VPS37B: variants seen among roughly 807,000 people sequenced by gnomAD.
VPS37B encodes the protein VPS37B subunit of ESCRT-I, also known as vacuolar protein sorting-associated protein 37B.
A neutral mutation model predicts 21.2 loss-of-function variants in VPS37B; 11 were observed. The observed-to-expected ratio is 0.52, with a 90% CI of 0.33 to 0.86. The LOEUF is 0.86. Among genes scored for constraint, VPS37B ranks in the 40% least tolerant of loss-of-function variants. The probability of loss-of-function intolerance (pLI) is 0.03; values close to 1 mark genes in which losing one functional copy is unlikely to be tolerated. For synonymous variants in VPS37B, 175 were observed against 159.6 expected, an observed-to-expected ratio of 1.10 and a Z score of -0.73; for missense variants, 389 against 374.8, an observed-to-expected ratio of 1.04 and a Z score of -0.31.
At chr12:122,870,763 A>T in intron 2 of VPS37B, 127 bp downstream of exon 2, 1 of 904,668 alleles carries the variant, frequency 1.1e-6, no homozygotes, top group African/African-American at 1.7e-5. Flanking sequence ...CTATTTGTTC[A>T]TTGCAGTAGA....
At chr12:122,873,992 G>C (rs1388541220) in intron 1 of VPS37B, 2 of 152,246 alleles carry the variant, frequency 1.3e-5, no homozygotes, top group African/African-American at 4.8e-5. Flanking sequence ...AGCGACCTAA[G>C]TTTGTTGAGA....
chr12:122,877,945 G>A, intron 1 of VPS37B: 1 of 152,124 alleles, frequency 6.6e-6, no homozygotes, highest in Middle Eastern at 3.2e-3. Context: ...AATTTTTTCA[G>A]GCATCATCAC....
intron 1 of VPS37B, among the ~76,000 whole-genome samples, chr12:122,894,831 G>A (rs1316012609): frequency 1.3e-5 from 2 of 152,136 alleles, no homozygotes; most frequent in Non-Finnish European, 2.9e-5. Flanking sequence ...GCCTTCCAGG[G>A]GCTGGGCAAG....
intron 1 of VPS37B, chr12:122,871,559 G>GA (rs2034034778): frequency 1.0e-6 from 1 of 985,632 alleles, no homozygotes; most frequent in Admixed American, 6.1e-5. Flanking sequence ...CCCTGGGAAG[G>GA]AACTGTGTTT....
chr12:122,878,965 T>C (rs1197331496), intron 1 of VPS37B: 2 of 152,108 alleles, frequency 1.3e-5, no homozygotes, highest in African/African-American at 4.8e-5. Flanking sequence ...AAGAGTCCTT[T>C]TAAGAGACAC....
chr12:122,872,372 A>G (rs1188453102), intron 1 of VPS37B: 1 of 985,498 alleles, frequency 1.0e-6, no homozygotes, highest in Non-Finnish European at 1.2e-6. Flanking sequence ...CCAGGGCCCT[A>G]AAGATCAGGC....
chr12:122,879,325 T>TCA (rs1236644650), intron 1 of VPS37B: 2 of 152,354 alleles, frequency 1.3e-5, no homozygotes, highest in Non-Finnish European at 2.9e-5. Context: ...ACCCGGACAC[T>TCA]CACCCTCAGG....
chr12:122,890,668 A>G (rs1044690420), intron 1 of VPS37B, among the ~76,000 whole-genome samples: 1 of 152,114 alleles, frequency 6.6e-6, no homozygotes, highest in Non-Finnish European at 1.5e-5. Flanking sequence ...ACTGTGGTAT[A>G]ATATACATAA....
At chr12:122,875,153 A>T (rs931273940) in intron 1 of VPS37B, 2 of 149,038 alleles carry the variant, frequency 1.3e-5, no homozygotes, top group African/African-American at 4.9e-5. Flanking sequence ...TCCGCCTGCC[A>T]GGTTCAAGCA....
chr12:122,890,767 T>G (rs1031780066), intron 1 of VPS37B, among the ~76,000 whole-genome samples: 10 of 152,250 alleles, frequency 6.6e-5, no homozygotes, highest in African/African-American at 2.4e-4. Flanking sequence ...ATCACCACCA[T>G]CTACCTCTAG....
At chr12:122,871,187 CG>C in intron 1 of VPS37B, 126 bp from the exon 2 acceptor site, 2 of 1,437,966 alleles carry the variant, frequency 1.4e-6, no homozygotes, top group Non-Finnish European at 1.8e-6. Flanking sequence ...CAGCTGGCAC[CG>C]CATGCCAGGC....
At chr12:122,871,102 C>T (rs776756911) in intron 1 of VPS37B, 41 bp from the exon 2 acceptor site, 3 of 1,606,658 alleles carry the variant, frequency 1.9e-6, no homozygotes, top group Non-Finnish European at 2.6e-6. Context: ...AAAAGTATAT[C>T]AGCTCCTAAA....
intron 1 of VPS37B, chr12:122,886,158 T>C (rs1366211754): frequency 1.3e-5 from 2 of 152,184 alleles, no homozygotes; most frequent in African/African-American, 4.8e-5. Context: ...AGCAATACTC[T>C]TGGGCTATGG....
At position 122,868,796 on chromosome 12, in the gene VPS37B, GAC is replaced by G. The variant is rs1440515580; in HGVS notation, c.284-236_284-235del. On this transcript the variant is annotated intron_variant, in intron 2 of 3. Transcript: ENST00000267202. The surrounding 1 kb of genome is among the most constrained non-coding windows in gnomAD (Gnocchi z 5.5). Reference sequence around the variant, plus strand: ...CAGCTGTTTTCAAATATGGGGCAGTGACATTCTCATCATGCCACTTTGTATTT... The same window carrying G: ...CAGCTGTTTTCAAATATGGGGCAGTGATTCTCATCATGCCACTTTGTATTT... Among the ~76,000 whole-genome samples the G allele has an allele frequency of 6.6e-6, 1 of 152,190 alleles. No individual in the cohort carries two copies. Among genetic ancestry groups the G allele is most frequent in the Non-Finnish European group, 1.5e-5 (1 of 68,034 alleles).
At chr12:122,869,264 G>A (rs565553054) in intron 2 of VPS37B, among the ~76,000 whole-genome samples, 14 of 152,322 alleles carry the variant, frequency 9.2e-5, no homozygotes, top group African/African-American at 2.6e-4. Flanking sequence ...TATCTTCTGA[G>A]AGACATTAAT....
chr12:122,889,550 C>T (rs1029064863), intron 1 of VPS37B: 1 of 152,262 alleles, frequency 6.6e-6, no homozygotes, highest in Non-Finnish European at 1.5e-5. Context: ...TGGAGAAACC[C>T]CATCTCTACT....
Position 122,895,976 on chromosome 12 carries a change from C to A in VPS37B, c.87G>T (p.Thr29=), listed in dbSNP as rs2034486559. The A allele has an allele frequency of 6.2e-7, 1 of 1,609,828 alleles. No individual in the cohort carries two copies. The highest frequency in any genetic ancestry group is 8.5e-7 in the Non-Finnish European group (1 of 1,178,390). ...NELLEDEGQL[T]EMVQKMEETQ... is the part of the protein sequence containing the mutation. Reference sequence around the variant, plus strand: ...CCTCCTCCATCTTCTGCACCATCTCCGTCAGCTGGCCCTCGTCCTCCAGCA... The same window carrying A: ...CCTCCTCCATCTTCTGCACCATCTCAGTCAGCTGGCCCTCGTCCTCCAGCA... Residue 29 remains threonine (T), a synonymous_variant, in exon 1 of 4, where the codon ACG becomes ACT. Transcript: ENST00000267202.
At chr12:122,892,355 C>T (rs1566133743) in intron 1 of VPS37B, among the ~76,000 whole-genome samples, 4 of 152,136 alleles carry the variant, frequency 2.6e-5, no homozygotes. Flanking sequence ...ACAATTAAAA[C>T]AATGTAAGTG....
Position 122,867,182 on chromosome 12 carries a change from C to A in VPS37B, c.792G>T (p.Pro264=), listed in dbSNP as rs148279336. 4.8e-4 allele frequency: 743 copies of A among 1,562,982 alleles called. No homozygotes were observed. The highest frequency in any genetic ancestry group is 6.0e-4 in the Non-Finnish European group (695 of 1,159,378). The change falls in exon 4 of 4, where the codon CCG becomes CCT. Residue 264 remains proline (P), a synonymous_variant. Coordinates refer to ENST00000267202, the MANE Select transcript of VPS37B (RefSeq NM_024667.3). The surrounding 1 kb of genome is among the most constrained non-coding windows in gnomAD (Gnocchi z 5.5). ...GFSSQFVSPY[P]PPLPQRPPPR... Reference sequence around the variant, plus strand: ...GCGGGGGTCTCTGAGGGAGAGGTGGCGGATATGGGGACACGAACTGCGAAG... The same window carrying A: ...GCGGGGGTCTCTGAGGGAGAGGTGGAGGATATGGGGACACGAACTGCGAAG...
Sources: allele counts gnomAD v4.1 joint callset (sites outside exome capture counted in the v4.1 genomes callset), GRCh38; gene constraint gnomAD v4.1.1; non-coding constraint Gnocchi (gnomAD v3.1); transcripts MANE v1.5; gene names NCBI Gene and HGNC (gene_info 2026-07-23, HGNC 2026-07-21).